Variants in GIGYF2 observed in about 807,000 individuals in gnomAD.
The protein encoded by GIGYF2 is GRB10-interacting GYF protein 2.
GIGYF2 carries 25 observed loss-of-function variants against 208.1 expected under a neutral mutation model. The observed-to-expected ratio is 0.12, with a 90% CI of 0.09 to 0.17. The LOEUF (loss-of-function observed/expected upper bound fraction) is 0.17, where lower values mean the gene tolerates loss of function less well. Ranked by LOEUF, GIGYF2 falls within the 10% of genes least tolerant of loss-of-function variation. GIGYF2 has a pLI of 1.00. For synonymous variants in GIGYF2, 534 were observed against 543.8 expected (o/e 0.98, Z 0.25); for missense variants, 1,302 against 1,579.4 (o/e 0.82, Z 2.98).
At chr2:232,833,308 C>T (rs543680095) in intron 22 of GIGYF2, among the ~76,000 whole-genome samples, 1 of 152,200 alleles carries the variant, frequency 6.6e-6, no homozygotes, top group East Asian at 1.9e-4. Flanking sequence ...CCTCAACTTC[C>T]TTGGGCAGCT....
chr2:232,767,442 T>C (rs1006455365), intron 8 of GIGYF2: 1 of 152,628 alleles, frequency 6.6e-6, no homozygotes, highest in African/African-American at 2.4e-5. Flanking sequence ...TTGATTATTA[T>C]GGAGGACAGT....
intron 21 of GIGYF2, among the ~76,000 whole-genome samples, chr2:232,825,714 A>AT (rs1183997037): frequency 1.1e-4 from 16 of 149,794 alleles, no homozygotes; most frequent in Middle Eastern, 3.5e-3. Flanking sequence ...ATTGACTCCA[A>AT]TTTTTTTTTT....
At chr2:232,780,843 T>C (rs1699688569) in intron 8 of GIGYF2, among the ~76,000 whole-genome samples, 1 of 152,224 alleles carries the variant, frequency 6.6e-6, no homozygotes, top group Non-Finnish European at 1.5e-5. Context: ...CTCTCACTCA[T>C]TTTAGTCTCC....
chr2:232,755,032 C>T (rs1487984069), intron 5 of GIGYF2, among the ~76,000 whole-genome samples: 1 of 151,966 alleles, frequency 6.6e-6, no homozygotes, highest in Non-Finnish European at 1.5e-5. Flanking sequence ...AGTTTTTTAA[C>T]GATTAGATGT....
At chr2:232,701,645 AACCT>A (rs1420879901) in intron 1 of GIGYF2, among the ~76,000 whole-genome samples, 1 of 151,822 alleles carries the variant, frequency 6.6e-6, no homozygotes, top group Non-Finnish European at 1.5e-5. Context: ...GCTGGTCTTA[AACCT>A]CTGGTCTCAA....
intron 5 of GIGYF2, among the ~76,000 whole-genome samples, chr2:232,750,768 T>C (rs1248840981): frequency 6.6e-6 from 1 of 151,828 alleles, no homozygotes; most frequent in Non-Finnish European, 1.5e-5. Context: ...TGTATGTTTG[T>C]GTGTGTGTGT....
intron 8 of GIGYF2, among the ~76,000 whole-genome samples, chr2:232,772,134 A>C (rs1699288143): frequency 6.6e-6 from 1 of 152,190 alleles, no homozygotes; most frequent in Non-Finnish European, 1.5e-5. Flanking sequence ...GGCTGGTCTC[A>C]GACTCCTGTT....
At chr2:232,819,587 T>G (rs1478809875) in intron 20 of GIGYF2, among the ~76,000 whole-genome samples, 1 of 152,222 alleles carries the variant, frequency 6.6e-6, no homozygotes, top group African/African-American at 2.4e-5. Flanking sequence ...CAGGGTAGAC[T>G]TCACAGTTTA....
chr2:232,771,075 G>T (rs1042298486), intron 8 of GIGYF2: 7 of 1,614,008 alleles, frequency 4.3e-6, no homozygotes, highest in South Asian at 1.1e-5. Context: ...CACAGATAGT[G>T]TGGTTTTCAG....
chr2:232,762,642 C>T (rs1391543487), intron 8 of GIGYF2, among the ~76,000 whole-genome samples: 1 of 152,120 alleles, frequency 6.6e-6, no homozygotes, highest in African/African-American at 2.4e-5. Flanking sequence ...GTAATTTTAA[C>T]AGTCAGCTTT....
chr2:232,807,122 A>G (rs1700584740), intron 15 of GIGYF2, among the ~76,000 whole-genome samples: 1 of 152,140 alleles, frequency 6.6e-6, no homozygotes, highest in African/African-American at 2.4e-5. Flanking sequence ...TTGCCTTCTC[A>G]TTCATAAAGT....
intron 21 of GIGYF2, among the ~76,000 whole-genome samples, chr2:232,821,683 A>G (rs1396182265): frequency 1.3e-5 from 2 of 152,044 alleles, no homozygotes; most frequent in Non-Finnish European, 2.9e-5. Flanking sequence ...AGAGATTTTT[A>G]ATTTTGATGA....
chr2:232,701,685 A>C (rs929435018), intron 1 of GIGYF2, among the ~76,000 whole-genome samples: 4 of 151,834 alleles, frequency 2.6e-5, no homozygotes, highest in African/African-American at 9.7e-5. Flanking sequence ...CAGCTTCCCA[A>C]AGTGTTGAGA....
At chr2:232,853,484 C>T (rs763976788) in intron 28 of GIGYF2, among the ~76,000 whole-genome samples, 16 of 152,136 alleles carry the variant, frequency 1.1e-4, no homozygotes, top group Non-Finnish European at 2.4e-4. Flanking sequence ...CATGTTGGCC[C>T]GGATGGTCTT....
At position 232,819,807 on chromosome 2, in the gene GIGYF2, C is replaced by T; in HGVS notation, c.2371-20C>T. 3 of 401,718 alleles carry T rather than the reference C, an allele frequency of 7.5e-6. No homozygotes were observed. The highest frequency in any genetic ancestry group is 1.4e-5 in the Non-Finnish European group (3 of 215,088). The allele number at this position is 401,718 out of a possible 1,614,324, so 24.9% of individuals were successfully genotyped here. On this transcript the variant is annotated intron_variant, in intron 20 of 28. Transcript: ENST00000373563. Reference sequence around the variant, plus strand: ...CCTGAGTCCCTCCCCCACCCCCCACCCTCCATCTTTTTTCCTTAGGAAGAG... The same window carrying T: ...CCTGAGTCCCTCCCCCACCCCCCACTCTCCATCTTTTTTCCTTAGGAAGAG...
At chr2:232,797,660 A>G (rs1482201583) in intron 14 of GIGYF2, among the ~76,000 whole-genome samples, 2 of 152,124 alleles carry the variant, frequency 1.3e-5, no homozygotes, top group African/African-American at 4.8e-5. Flanking sequence ...CAGTAACACA[A>G]GTGGGACATT....
rs562056580 is a variant in GIGYF2, at chr2:232,726,088, C to T, written c.-43-9067C>T. 1.4e-4 allele frequency among the ~76,000 whole-genome samples: 22 copies of T among 152,214 alleles called. No homozygotes were observed. In the East Asian group the frequency reaches 2.5e-3, roughly 17 times the overall value. On this transcript the variant is annotated intron_variant, in intron 2 of 28. Transcript: ENST00000373563. ...AGGTAAGCAAGATGAGGCTGGGCGC[C>T]GTGGCCCACACCTGTAATCCACCTG...
intron 8 of GIGYF2, among the ~76,000 whole-genome samples, chr2:232,780,002 TA>T (rs1574875110): frequency 6.6e-6 from 1 of 152,170 alleles, no homozygotes; most frequent in Non-Finnish European, 1.5e-5. Context: ...AGTCACTCCT[TA>T]AAAAATTTGC....
chr2:232,754,220 A>G (rs1698446338), intron 5 of GIGYF2, among the ~76,000 whole-genome samples: 1 of 151,286 alleles, frequency 6.6e-6, no homozygotes, highest in Non-Finnish European at 1.5e-5. Flanking sequence ...TTTAATCAGC[A>G]GTACAGAATT....
Sources: allele counts gnomAD v4.1 joint callset (sites outside exome capture counted in the v4.1 genomes callset), GRCh38; gene constraint gnomAD v4.1.1; transcripts MANE v1.5; gene names NCBI Gene and HGNC (gene_info 2026-07-23, HGNC 2026-07-21).